Variants in NGLY1 observed in about 807,000 individuals in gnomAD.
The protein encoded by NGLY1 is N-glycanase 1.
Under a neutral mutation model 84.6 loss-of-function variants are expected in NGLY1, and 68 were observed. That is an observed-to-expected ratio of 0.80 (90% confidence interval 0.66 to 0.98). NGLY1 has a LOEUF of 0.98. Ranked by LOEUF, NGLY1 falls within the 50% of genes least tolerant of loss-of-function variation. The pLI is 0.00. For missense variants in NGLY1, 779 were observed against 770.2 expected (o/e 1.01, Z -0.14); for synonymous variants, 280 against 275.2 (o/e 1.02, Z -0.17).
At position 25,733,862 on chromosome 3, in the gene NGLY1, C is replaced by G; in HGVS notation, c.1260+10G>C. 1.3e-6 allele frequency: 2 copies of G among 1,571,912 alleles called. No homozygotes were observed. The highest frequency in any genetic ancestry group is 1.7e-6 in the Non-Finnish European group (2 of 1,154,618). On this transcript the variant is annotated intron_variant, in intron 8 of 11. Coordinates refer to ENST00000280700, the MANE Select transcript of NGLY1 (RefSeq NM_018297.4). ...CAACTGTTCTTTCAAAAAAGATAGC[C>G]ACACCATACCTGCTTATTAAGCCCA...
At chr3:25,739,149 T>G (rs575292567) in intron 5 of NGLY1, among the ~76,000 whole-genome samples, 77 of 152,332 alleles carry the variant, frequency 5.1e-4, no homozygotes, top group African/African-American at 1.8e-3. Context: ...ATTATAAGTA[T>G]TGTTAGCTAT....
chr3:25,774,174 G>A (rs1291178138), intron 2 of NGLY1, among the ~76,000 whole-genome samples: 1 of 152,240 alleles, frequency 6.6e-6, no homozygotes, highest in African/African-American at 2.4e-5. Flanking sequence ...GGAATTAGCT[G>A]TTGTATTCTC....
intron 8 of NGLY1, among the ~76,000 whole-genome samples, chr3:25,733,650 C>G (rs1705667417): frequency 6.6e-6 from 1 of 152,060 alleles, no homozygotes; most frequent in Non-Finnish European, 1.5e-5. Flanking sequence ...TGAAATGAGA[C>G]AGTTTAATCC....
chr3:25,737,611 C>T (rs558645023), intron 5 of NGLY1, among the ~76,000 whole-genome samples, 156 bp from the exon 6 acceptor site: 1 of 150,576 alleles, frequency 6.6e-6, no homozygotes, highest in Non-Finnish European at 1.5e-5. Context: ...GGCGCAATCT[C>T]GGCTCACTGC....
intron 1 of NGLY1, among the ~76,000 whole-genome samples, chr3:25,779,017 C>T (rs1708287054): frequency 6.9e-6 from 1 of 145,550 alleles, no homozygotes; most frequent in Non-Finnish European, 1.5e-5. Context: ...CTCACTACAG[C>T]CTCCACCTCC....
chr3:25,721,244 T>G (rs1490717491), intron 10 of NGLY1, among the ~76,000 whole-genome samples: 4 of 152,094 alleles, frequency 2.6e-5, no homozygotes, highest in Non-Finnish European at 4.4e-5. Flanking sequence ...TTTAAAAAAA[T>G]TTTTTAGAGG....
At position 25,745,913 on chromosome 3, in the gene NGLY1, T is replaced by C. The variant is rs541806740; in HGVS notation, c.658+5185A>G. Among the ~76,000 whole-genome samples the C allele has an allele frequency of 5.3e-5, 8 of 152,370 alleles. No homozygotes were observed. The South Asian group carries it at 1.0e-3, about 20-fold the overall frequency. On this transcript the variant is annotated intron_variant, in intron 4 of 11. Coordinates refer to ENST00000280700, the MANE Select transcript of NGLY1 (RefSeq NM_018297.4). The stretch of plus-strand genomic sequence containing the variant: ...AAGGTTATGTAACATTTCTGCTGTA[T>C]GTTCAATTATAGTCACAATATAACA...
chr3:25,756,116 A>C (rs1329760988), intron 3 of NGLY1, among the ~76,000 whole-genome samples: 1 of 152,170 alleles, frequency 6.6e-6, no homozygotes, highest in African/African-American at 2.4e-5. Flanking sequence ...TTTAGGAAAC[A>C]TTTTTGGAAA....
At chr3:25,765,423 C>G (rs1182428845) in intron 2 of NGLY1, among the ~76,000 whole-genome samples, 1 of 143,948 alleles carries the variant, frequency 6.9e-6, no homozygotes, top group Non-Finnish European at 1.5e-5. Context: ...CACTGCACTC[C>G]AGCCTAGGTG....
chr3:25,762,335 G>C (rs568981797), intron 3 of NGLY1, among the ~76,000 whole-genome samples: 4 of 152,084 alleles, frequency 2.6e-5, no homozygotes, highest in Non-Finnish European at 5.9e-5. Flanking sequence ...AATGATGAAA[G>C]CATAATTAAC....
At chr3:25,755,692 T>C (rs1475253397) in intron 3 of NGLY1, 1 of 1,392,554 alleles carries the variant, frequency 7.2e-7, no homozygotes, top group Non-Finnish European at 1.0e-6. Context: ...AATTATAGTC[T>C]AGTCTAGATG....
chr3:25,765,632 C>T (rs779267813), intron 2 of NGLY1, among the ~76,000 whole-genome samples: 5 of 152,102 alleles, frequency 3.3e-5, no homozygotes, highest in Non-Finnish European at 7.4e-5. Flanking sequence ...CCATCTGAAT[C>T]CTTTTTAAAA....
At chr3:25,756,748 A>G (rs1325033257) in intron 3 of NGLY1, among the ~76,000 whole-genome samples, 8 of 152,210 alleles carry the variant, frequency 5.3e-5, no homozygotes, top group South Asian at 2.1e-4. Flanking sequence ...GATATCACAT[A>G]TAAGATGGGA....
chr3:25,761,529 C>T (rs77433778), intron 3 of NGLY1, among the ~76,000 whole-genome samples: 5,742 of 152,204 alleles, frequency 0.038, 361 homozygotes, highest in African/African-American at 0.13. Flanking sequence ...TTAACAACCA[C>T]TAAAATGGGT....
At chr3:25,789,182 G>T (rs150852715) in intron 1 of NGLY1, among the ~76,000 whole-genome samples, 57 of 152,234 alleles carry the variant, frequency 3.7e-4, no homozygotes, top group African/African-American at 9.9e-4. Flanking sequence ...TTATCGGTTT[G>T]CAGTCAGCTC....
intron 10 of NGLY1, among the ~76,000 whole-genome samples, chr3:25,723,762 A>T (rs112946067): frequency 7.2e-5 from 11 of 152,278 alleles, no homozygotes; most frequent in African/African-American, 2.6e-4. Flanking sequence ...AATTTTTTTT[A>T]AATTTATTGT....
At chr3:25,789,527 C>T (rs539890515) in intron 1 of NGLY1, among the ~76,000 whole-genome samples, 1 of 152,160 alleles carries the variant, frequency 6.6e-6, no homozygotes, top group African/African-American at 2.4e-5. Flanking sequence ...CGGATATATA[C>T]TGTTTTGTAA....
intron 2 of NGLY1, among the ~76,000 whole-genome samples, chr3:25,773,213 T>C (rs111989737): frequency 0.038 from 5,739 of 152,250 alleles, 361 homozygotes; most frequent in African/African-American, 0.13. Flanking sequence ...AATTATTCCC[T>C]CAAATATGTC....
chr3:25,744,874 CAT>C (rs1453013332), intron 4 of NGLY1, among the ~76,000 whole-genome samples: 1 of 152,120 alleles, frequency 6.6e-6, no homozygotes, highest in African/African-American at 2.4e-5. Flanking sequence ...GGATGGAAAA[CAT>C]ATACATCCGA....
Sources: gnomAD v4.1 joint callset for allele counts (sites outside exome capture counted in the v4.1 genomes callset) on GRCh38, gnomAD v4.1.1 for gene constraint, MANE v1.5 for transcripts, NCBI Gene and HGNC (gene_info 2026-07-23, HGNC 2026-07-21) for gene names.